The following FAM135A variants were observed in gnomAD, a reference collection of about 807,000 sequenced individuals.
FAM135A encodes protein FAM135A.
In FAM135A, 79 loss-of-function variants were observed where a neutral mutation model predicts 146.8. The observed-to-expected ratio is 0.54, with a 90% CI of 0.45 to 0.65. The LOEUF is 0.65. Ranked by LOEUF, FAM135A falls within the 30% of genes least tolerant of loss-of-function variation. FAM135A has a pLI of 0.00. For missense variants in FAM135A, 1,623 were observed against 1,758.2 expected (o/e 0.92, Z 1.38); for synonymous variants, 562 against 603.6 (o/e 0.93, Z 1.01).
At chr6:70,433,179 A>T (rs1772101738) in intron 4 of FAM135A, among the ~76,000 whole-genome samples, 3 of 151,080 alleles carry the variant, frequency 2.0e-5, no homozygotes, top group African/African-American at 7.3e-5. Flanking sequence ...GGTTCATGCC[A>T]TTCTCCTGCC....
intron 12 of FAM135A, among the ~76,000 whole-genome samples, chr6:70,521,326 T>G (rs1437982869): frequency 2.6e-5 from 4 of 152,148 alleles, no homozygotes; most frequent in African/African-American, 9.7e-5. Flanking sequence ...TGCGTTTTTT[T>G]CATGCTTTAT....
At chr6:70,523,476 G>A (rs1794037412) in intron 13 of FAM135A, among the ~76,000 whole-genome samples, 1 of 151,972 alleles carries the variant, frequency 6.6e-6, no homozygotes, top group Non-Finnish European at 1.5e-5. Context: ...AGGGTTTTCT[G>A]TTTTAACTGT....
intron 4 of FAM135A, among the ~76,000 whole-genome samples, chr6:70,449,712 T>A (rs940702078): frequency 6.6e-6 from 1 of 152,210 alleles, no homozygotes; most frequent in Non-Finnish European, 1.5e-5. Flanking sequence ...TCAATAATGC[T>A]GCAGTGAACA....
At position 70,452,473 on chromosome 6, in the gene FAM135A, CTTGT is replaced by C; in HGVS notation, c.78-16_78-13del. 1 of 1,564,060 alleles carries C rather than the reference CTTGT, an allele frequency of 6.4e-7. No individual in the cohort carries two copies. Among genetic ancestry groups the C allele is most frequent in the South Asian group, 1.2e-5 (1 of 84,444 alleles). On this transcript the variant is annotated splice_polypyrimidine_tract_variant and intron_variant, in intron 4 of 21. Coordinates refer to ENST00000418814, the MANE Select transcript of FAM135A (RefSeq NM_001162529.3). ...TTTAAATATGTTTTGAAATAACTTCCTTGTTTATTTTGCTTTAGTTTTTACCAGA... is the reference window on the plus strand; with the variant it reads ...TTTAAATATGTTTTGAAATAACTTCCTTATTTTGCTTTAGTTTTTACCAGA...
At chr6:70,480,795 G>T (rs1342044022) in intron 8 of FAM135A, 106 bp from the exon 9 acceptor site, 2 of 1,072,594 alleles carry the variant, frequency 1.9e-6, no homozygotes, top group Non-Finnish European at 2.5e-6. Flanking sequence ...TTATAAACTT[G>T]CAAAACCCTT....
At chr6:70,542,346 CAT>C (rs1201267077) in intron 20 of FAM135A, among the ~76,000 whole-genome samples, 9 of 150,504 alleles carry the variant, frequency 6.0e-5, no homozygotes, top group South Asian at 2.1e-4. Flanking sequence ...TGTATCACCT[CAT>C]GTGTTTTTGT....
intron 12 of FAM135A, among the ~76,000 whole-genome samples, chr6:70,513,939 A>G (rs1465691051): frequency 6.6e-6 from 1 of 151,212 alleles, no homozygotes; most frequent in Non-Finnish European, 1.5e-5. Flanking sequence ...GTTTTCCAGC[A>G]GTTTGACTAT....
At chr6:70,539,832 A>G (rs543387679) in intron 20 of FAM135A, among the ~76,000 whole-genome samples, 1 of 152,104 alleles carries the variant, frequency 6.6e-6, no homozygotes, top group Admixed American at 6.5e-5. Context: ...CGTCTCTACT[A>G]AAAATACAAA....
chr6:70,483,394 A>G (rs569067519), intron 10 of FAM135A, among the ~76,000 whole-genome samples: 2 of 152,304 alleles, frequency 1.3e-5, no homozygotes, highest in East Asian at 3.9e-4. Context: ...ATTCATTCTC[A>G]AAACAAAAAT....
At chr6:70,511,450 T>C (rs929878759) in intron 12 of FAM135A, among the ~76,000 whole-genome samples, 2 of 151,922 alleles carry the variant, frequency 1.3e-5, no homozygotes, top group African/African-American at 4.8e-5. Flanking sequence ...GGAATACTTA[T>C]TACATGCAAT....
At chr6:70,507,847 G>T (rs896661108) in intron 12 of FAM135A, among the ~76,000 whole-genome samples, 30 of 152,004 alleles carry the variant, frequency 2.0e-4, no homozygotes, top group African/African-American at 7.2e-4. Context: ...ATGATCAAGT[G>T]GGACAGTTTA....
At chr6:70,481,143 G>T in intron 9 of FAM135A, 116 bp downstream of exon 9, 5 of 947,884 alleles carry the variant, frequency 5.3e-6, no homozygotes, top group Non-Finnish European at 7.3e-6. Flanking sequence ...GCAACTTATA[G>T]ATCTAATTAA....
intron 10 of FAM135A, among the ~76,000 whole-genome samples, chr6:70,488,550 A>T (rs1032446005): frequency 6.6e-6 from 1 of 151,422 alleles, no homozygotes; most frequent in African/African-American, 2.4e-5. Context: ...ATACCCTTGA[A>T]TAACACCAGA....
chr6:70,512,738 C>T (rs1190044059), intron 12 of FAM135A, among the ~76,000 whole-genome samples: 2 of 151,688 alleles, frequency 1.3e-5, no homozygotes, highest in African/African-American at 4.8e-5. Context: ...TTATTAAATT[C>T]TCCTAGCCTG....
chr6:70,450,786 GC>G (rs1230248288), intron 4 of FAM135A, among the ~76,000 whole-genome samples: 1 of 113,280 alleles, frequency 8.8e-6, no homozygotes, highest in Non-Finnish European at 1.7e-5. Flanking sequence ...TGTCTCTCAG[GC>G]TGTTAGTGCA....
At position 70,429,543 on chromosome 6, in the gene FAM135A, A is replaced by G. The variant is rs556015701; in HGVS notation, c.77+1124A>G. ...ACGTTAAAAAAAATAAAAATTAAAA[A>G]AAAAGAATATTTAGGAAATTGGATA... is the stretch of plus-strand genomic sequence containing the variant. On this transcript the variant is annotated intron_variant, in intron 4 of 21. Coordinates refer to ENST00000418814, the MANE Select transcript of FAM135A (RefSeq NM_001162529.3). Among the ~76,000 whole-genome samples, 6 of 152,244 alleles carry G rather than the reference A, an allele frequency of 3.9e-5. No homozygotes were observed. In the East Asian group the frequency reaches 1.2e-3, roughly 29 times the overall value.
chr6:70,529,748 CAGT>C (rs1795433289), intron 16 of FAM135A, among the ~76,000 whole-genome samples: 1 of 152,112 alleles, frequency 6.6e-6, no homozygotes, highest in Non-Finnish European at 1.5e-5. Context: ...CGCCAAAAAA[CAGT>C]AGACCAGTCT....
At position 70,524,432 on chromosome 6, in the gene FAM135A, G is replaced by A. The variant is rs1794267594; in HGVS notation, c.1348G>A (p.Ala450Thr). 1 of 1,545,592 alleles carries A rather than the reference G, an allele frequency of 6.5e-7. No individual in the cohort carries two copies. Among genetic ancestry groups the A allele is most frequent in the African/African-American group, 1.4e-5 (1 of 72,702 alleles). Reference sequence around the variant, plus strand: ...ATATGAGACTGAAGAAAGCTCTGTAGCAGGACTTTCTAGCCCAGAGTTGAA... The same window carrying A: ...ATATGAGACTGAAGAAAGCTCTGTAACAGGACTTTCTAGCCCAGAGTTGAA... ...DKYETEESSV[A>T]GLSSPELKVR... Residue 450 changes from alanine (A) to threonine (T), a missense_variant, in exon 15 of 22, where the codon GCA becomes ACA. Transcript: ENST00000418814.
In FAM135A at chr6:70,428,428, TTTA is replaced by T; in HGVS notation, c.77+12_77+14del. On this transcript the variant is annotated intron_variant, in intron 4 of 21. Coordinates refer to ENST00000418814, the MANE Select transcript of FAM135A (RefSeq NM_001162529.3). The stretch of plus-strand genomic sequence containing the variant: ...GATTTGTTTCAGAGAGGGTATGTAT[TTTA>T]TTGTGAAAATGATATATTTTGCATA... 2 of 1,576,098 alleles carry T rather than the reference TTTA, an allele frequency of 1.3e-6. No individual in the cohort carries two copies. The highest frequency in any genetic ancestry group is 1.7e-6 in the Non-Finnish European group (2 of 1,158,814).
Sources: gnomAD v4.1 joint callset for allele counts (sites outside exome capture counted in the v4.1 genomes callset) on GRCh38, gnomAD v4.1.1 for gene constraint, MANE v1.5 for transcripts, NCBI Gene and HGNC (gene_info 2026-07-23, HGNC 2026-07-21) for gene names.